SEL1L3: variants seen among roughly 807,000 people sequenced by gnomAD.
SEL1L3 encodes protein sel-1 homolog 3.
In SEL1L3, 76 loss-of-function variants were observed where a neutral mutation model predicts 142.8. That is an observed-to-expected ratio of 0.53 (90% confidence interval 0.44 to 0.64). The LOEUF is 0.64. Ranked by LOEUF, SEL1L3 falls within the 30% of genes least tolerant of loss-of-function variation. The pLI is 0.00. For synonymous variants in SEL1L3, 504 were observed against 519.6 expected (o/e 0.97, Z 0.41); for missense variants, 1,262 against 1,381.7 (o/e 0.91, Z 1.37).
At chr4:25,729,588 C>G in the SEL1L3 span, among the ~76,000 whole-genome samples, 1 of 152,222 alleles carries the variant, frequency 6.6e-6, no homozygotes, top group Non-Finnish European at 1.5e-5. Context: ...GTGGCACATG[C>G]CTGTAATTCC....
At chr4:25,820,034 A>G in intron 7 of SEL1L3, 94 bp from the exon 8 acceptor site, 1 of 1,235,920 alleles carries the variant, frequency 8.1e-7, no homozygotes, top group Non-Finnish European at 1.1e-6. Flanking sequence ...TTGTTCTCCC[A>G]TTGACATCTC....
At chr4:25,846,695 G>A (rs1287104360) in intron 2 of SEL1L3, among the ~76,000 whole-genome samples, 8 of 152,034 alleles carry the variant, frequency 5.3e-5, no homozygotes, top group African/African-American at 1.9e-4. Flanking sequence ...GATCGCCTGA[G>A]GTCAGGAGTT....
At chr4:25,772,989 G>A (rs1027398071) in intron 17 of SEL1L3, among the ~76,000 whole-genome samples, 2 of 152,050 alleles carry the variant, frequency 1.3e-5, no homozygotes, top group African/African-American at 4.8e-5. Context: ...TCGAGATGGG[G>A]TTTCACCATG....
At chr4:25,752,708 C>T (rs1380203681) in intron 23 of SEL1L3, among the ~76,000 whole-genome samples, 2 of 152,162 alleles carry the variant, frequency 1.3e-5, no homozygotes, top group Non-Finnish European at 2.9e-5. Context: ...GCAGCCTCTG[C>T]CTCCCAGCTT....
Position 25,776,625 on chromosome 4 carries a change from A to T in SEL1L3, c.2586-265T>A, listed in dbSNP as rs1719649222. ...TACATAATGAAATATATCCACCAAT[A>T]TGAAAAAATATAATCTCTACCAAGA... On this transcript the variant is annotated intron_variant, in intron 16 of 23. Transcript: ENST00000399878. 6 of 368,106 alleles carry T rather than the reference A, an allele frequency of 1.6e-5. No homozygotes were observed. In the South Asian group the frequency reaches 1.9e-4, roughly 11 times the overall value. 22.8% of individuals were successfully genotyped at this position (368,106 alleles called of 1,614,324 possible).
At chr4:25,810,099 C>A (rs1713916235) in intron 9 of SEL1L3, among the ~76,000 whole-genome samples, 1 of 152,222 alleles carries the variant, frequency 6.6e-6, no homozygotes, top group Non-Finnish European at 1.5e-5. Context: ...CCGAGCCCAA[C>A]CTTGGACCTG....
At chr4:25,804,413 T>C (rs75966592) in intron 10 of SEL1L3, 128 bp downstream of exon 10, 7,765 of 696,378 alleles carry the variant, frequency 0.011, 83 homozygotes, top group Non-Finnish European at 0.015. Context: ...GACATTTATC[T>C]TGAGTGTAAA....
intron 17 of SEL1L3, among the ~76,000 whole-genome samples, 157 bp from the exon 18 acceptor site, chr4:25,767,987 A>G (rs1718872874): frequency 6.6e-6 from 1 of 152,222 alleles, no homozygotes; most frequent in Non-Finnish European, 1.5e-5. Context: ...TGTTAAAAAT[A>G]CTGCATGCAC....
At chr4:25,816,217 TATATAC>T (rs1482464084) in intron 9 of SEL1L3, among the ~76,000 whole-genome samples, 3 of 150,582 alleles carry the variant, frequency 2.0e-5, no homozygotes, top group Non-Finnish European at 4.4e-5. Flanking sequence ...TATATACCTA[TATATAC>T]ATATACATAT....
intron 2 of SEL1L3, among the ~76,000 whole-genome samples, chr4:25,839,363 T>G (rs1716027785): frequency 6.6e-6 from 1 of 152,202 alleles, no homozygotes; most frequent in Admixed American, 6.5e-5. Flanking sequence ...CCTCCAAACA[T>G]GCTTATGAGT....
At chr4:25,756,248 T>C in intron 23 of SEL1L3, 1 of 985,364 alleles carries the variant, frequency 1.0e-6, no homozygotes, top group Non-Finnish European at 1.2e-6. Context: ...TCCGAGATGG[T>C]AAAAAATCAG....
In SEL1L3 at chr4:25,790,472, C is replaced by T; in HGVS notation, c.2059G>A (p.Gly687Ser). The T allele has an allele frequency of 1.2e-6, 2 of 1,613,914 alleles. No individual in the cohort carries two copies. Among genetic ancestry groups the T allele is most frequent in the Non-Finnish European group, 8.5e-7 (1 of 1,179,868 alleles). Residue 687 changes from glycine to serine, a missense_variant, in exon 12 of 24, where the codon GGC (glycine) becomes AGC (serine). This residue lies in a region of SEL1L3 where 435 missense variants were observed against 559.2 expected (regional missense o/e 0.78). Coordinates refer to ENST00000399878, the MANE Select transcript of SEL1L3 (RefSeq NM_015187.5). Reference protein sequence around the residue: ...FMWLKHEATRGNAAAQQRLAQ... With the variant: ...FMWLKHEATRSNAAAQQRLAQ... ...GTTTTTACCTGAGCTGCTGCATTGC[C>T]TCGGGTAGCTTCATGCTTCAACCAC...
At chr4:25,778,578 T>C (rs1719793312) in intron 16 of SEL1L3, among the ~76,000 whole-genome samples, 1 of 152,160 alleles carries the variant, frequency 6.6e-6, no homozygotes, top group Non-Finnish European at 1.5e-5. Context: ...CTGATACTAA[T>C]GTAACCAAAA....
At chr4:25,759,862 T>C (rs1283293029) in intron 20 of SEL1L3, 1 of 152,232 alleles carries the variant, frequency 6.6e-6, no homozygotes, top group African/African-American at 2.4e-5. Flanking sequence ...CATTAGAACT[T>C]GACCAATTAA....
intron 2 of SEL1L3, among the ~76,000 whole-genome samples, chr4:25,838,725 GGC>G (rs1359450771): frequency 2.0e-5 from 3 of 152,148 alleles, no homozygotes; most frequent in African/African-American, 7.2e-5. Context: ...TCAGCACTAA[GGC>G]TAGCACCCAC....
chr4:25,739,760 ATGTGTGTGTGTG>A, the SEL1L3 span, among the ~76,000 whole-genome samples: 12 of 146,536 alleles, frequency 8.2e-5, no homozygotes, highest in South Asian at 2.2e-4. Context: ...AGAAAAAATA[ATGTGTGTGTGTG>A]TGTGTGTGTG....
At chr4:25,836,971 A>G (rs1445509736) in intron 2 of SEL1L3, among the ~76,000 whole-genome samples, 1 of 152,098 alleles carries the variant, frequency 6.6e-6, no homozygotes, top group Non-Finnish European at 1.5e-5. Flanking sequence ...AAATAAGCCA[A>G]TTTCTCCCCA....
intron 23 of SEL1L3, among the ~76,000 whole-genome samples, chr4:25,750,921 C>A (rs972695103): frequency 3.9e-5 from 6 of 152,230 alleles, no homozygotes; most frequent in Non-Finnish European, 8.8e-5. Flanking sequence ...TGGTTTAAAA[C>A]GTTACCTAGT....
intron 2 of SEL1L3, among the ~76,000 whole-genome samples, chr4:25,837,059 C>T (rs1715875527): frequency 6.6e-6 from 1 of 151,996 alleles, no homozygotes; most frequent in Non-Finnish European, 1.5e-5. Flanking sequence ...TCAATTTCAA[C>T]AGAAGCACTT....
Sources: gnomAD v4.1 joint callset for allele counts (sites outside exome capture counted in the v4.1 genomes callset) on GRCh38, gnomAD v4.1.1 for gene constraint, gnomAD v4.1.1 regional missense constraint, MANE v1.5 for transcripts, NCBI Gene and HGNC (gene_info 2026-07-23, HGNC 2026-07-21) for gene names.